FGD5: variants seen among roughly 807,000 people sequenced by gnomAD.
The protein encoded by FGD5 is FYVE, RhoGEF and PH domain containing 5.
In FGD5, 28 loss-of-function variants were observed where a neutral mutation model predicts 133.4. The observed-to-expected ratio is 0.21, with a 90% CI of 0.16 to 0.29. The LOEUF is 0.29. Among genes scored for constraint, FGD5 ranks in the 10% least tolerant of loss-of-function variants. The probability of loss-of-function intolerance (pLI) is 1.00; values close to 1 mark genes in which losing one functional copy is unlikely to be tolerated. For missense variants in FGD5, 1,858 were observed against 1,895.2 expected (o/e 0.98, Z 0.36); for synonymous variants, 810 against 776.5 (o/e 1.04, Z -0.72).
intron 2 of FGD5, among the ~76,000 whole-genome samples, chr3:14,866,400 T>C (rs1448694785): frequency 6.6e-6 from 1 of 152,060 alleles, no homozygotes; most frequent in Non-Finnish European, 1.5e-5. Context: ...GAATGTGCAA[T>C]TCTGGGGCCC....
intron 10 of FGD5, 102 bp from the exon 11 acceptor site, chr3:14,910,759 C>T: frequency 9.8e-7 from 1 of 1,022,124 alleles, no homozygotes; most frequent in South Asian, 1.4e-5. Context: ...GCACCCTTGT[C>T]TGGGATTGAT....
rs2038939094 is a variant in FGD5 at position 14,933,857 on chromosome 3, T to A, written c.*690T>A. On this transcript the variant is annotated 3_prime_UTR_variant, in exon 20 of 20. Coordinates refer to ENST00000285046, the MANE Select transcript of FGD5 (RefSeq NM_152536.4). ...GGAAGGGGAGGATTTTCTCCTCCAG[T>A]CGACCTTGTGACCTGTATACTAACA... The A allele has an allele frequency of 6.5e-6, 1 of 152,954 alleles. No homozygotes were observed. The highest frequency in any genetic ancestry group is 1.5e-5 in the Non-Finnish European group (1 of 68,536). The allele number at this position is 152,954 out of a possible 1,614,324, so 9.5% of individuals were successfully genotyped here. A position where few individuals can be genotyped will look rare whatever the true frequency, so the allele number is the denominator to read the frequency against.
intron 1 of FGD5, among the ~76,000 whole-genome samples, chr3:14,853,791 A>G (rs908149804): frequency 1.4e-5 from 2 of 146,628 alleles, no homozygotes; most frequent in Non-Finnish European, 3.0e-5. Context: ...TCATCTCCCC[A>G]CGTGGAGGCA....
intron 9 of FGD5, among the ~76,000 whole-genome samples, chr3:14,904,040 C>T (rs377214130): frequency 1.7e-4 from 26 of 152,312 alleles, no homozygotes; most frequent in African/African-American, 4.6e-4. Context: ...AAGAGGCTCA[C>T]AGAGCAAGGT....
chr3:14,851,724 C>T (rs1360407712), intron 1 of FGD5, among the ~76,000 whole-genome samples: 1 of 151,968 alleles, frequency 6.6e-6, no homozygotes, highest in African/African-American at 2.4e-5. Flanking sequence ...AATTCCCCCC[C>T]ACCCCCACTA....
Position 14,922,618 on chromosome 3 carries a change from C to T in FGD5, c.3807+70C>T. ...GGGGGAAGGGCATGTCCCTGCCCAGCCGGGGGCTCAGGGATGTCCAGCAGC... is the reference window on the plus strand; with the variant it reads ...GGGGGAAGGGCATGTCCCTGCCCAGTCGGGGGCTCAGGGATGTCCAGCAGC... On this transcript the variant is annotated intron_variant, in intron 15 of 19. Transcript: ENST00000285046. The surrounding 1 kb of genome is among the most constrained non-coding windows in gnomAD (Gnocchi z 4.1). The T allele has an allele frequency of 2.0e-6, 3 of 1,516,510 alleles. No individual in the cohort carries two copies. Among genetic ancestry groups the T allele is most frequent in the South Asian group, 1.2e-5 (1 of 80,956 alleles). The allele number at this position is 1,516,510 out of a possible 1,614,324, so 93.9% of individuals were successfully genotyped here.
At position 14,821,190 on chromosome 3, in the gene FGD5, A is replaced by G. The variant is rs980562122; in HGVS notation, c.2119A>G (p.Lys707Glu). 1.2e-6 allele frequency: 2 copies of G among 1,613,736 alleles called. No individual in the cohort carries two copies. Among genetic ancestry groups the G allele is most frequent in the African/African-American group, 2.7e-5 (2 of 74,868 alleles). ...AAGCCTCAGCAACTCCCCTCAGCTT[A>G]AGTCTCGGACTGGGAAGCTCCGGGC... ...RRSLSNSPQL[K>E]SRTGKLRASE... The change falls in exon 1 of 20, where the codon AAG becomes GAG. Residue 707 changes from lysine (K) to glutamate (E), a missense_variant. This residue lies in a region of FGD5 where 1,824 missense variants were observed against 1,848.9 expected (regional missense o/e 0.99). Transcript: ENST00000285046.
intron 19 of FGD5, 101 bp from the exon 20 acceptor site, chr3:14,933,030 C>T: frequency 7.3e-7 from 1 of 1,373,892 alleles, no homozygotes; most frequent in Non-Finnish European, 1.0e-6. Context: ...TCCTTGACTT[C>T]AAACTAAGAG....
intron 7 of FGD5, among the ~76,000 whole-genome samples, chr3:14,899,127 A>G (rs2038191368): frequency 6.6e-6 from 1 of 152,110 alleles, no homozygotes; most frequent in Non-Finnish European, 1.5e-5. Flanking sequence ...ATTTCACTGA[A>G]GCCACGCCTG....
chr3:14,904,822 A>G lies in FGD5; in HGVS notation c.3265-2818A>G, dbSNP rs578149815. Among the ~76,000 whole-genome samples, 4 of 152,302 alleles carry G rather than the reference A, an allele frequency of 2.6e-5. No homozygotes were observed. The South Asian group carries it at 8.3e-4, about 32-fold the overall frequency. ...ACCATCTGTATCTGAATATTAAACT[A>G]ACCATGAGTTTTATTTTATTTTTTT... On this transcript the variant is annotated intron_variant, in intron 9 of 19. Coordinates refer to ENST00000285046, the MANE Select transcript of FGD5 (RefSeq NM_152536.4).
At chr3:14,852,681 A>G (rs4685219) in intron 1 of FGD5, among the ~76,000 whole-genome samples, 92,842 of 152,110 alleles carry the variant, frequency 0.61, 28,807 homozygotes, top group African/African-American at 0.68. Flanking sequence ...CTCTGGTCAG[A>G]AAACAAGGAT....
rs1374628185 is a variant in FGD5, at chr3:14,836,446, T to A, written c.2525+14850T>A. 3.9e-5 allele frequency among the ~76,000 whole-genome samples: 6 copies of A among 152,350 alleles called. No homozygotes were observed. The East Asian group carries it at 1.2e-3, about 29-fold the overall frequency. ...AGCCTCTGGGGTGAGGAGACCTGCCTGGTCCCCAAACGCAAATGGTCTCCA... is the reference window on the plus strand; with the variant it reads ...AGCCTCTGGGGTGAGGAGACCTGCCAGGTCCCCAAACGCAAATGGTCTCCA... On this transcript the variant is annotated intron_variant, in intron 1 of 19. Transcript: ENST00000285046.
At chr3:14,848,544 A>G (rs2037099219) in intron 1 of FGD5, among the ~76,000 whole-genome samples, 1 of 152,214 alleles carries the variant, frequency 6.6e-6, no homozygotes, top group African/African-American at 2.4e-5. Context: ...CATGGGGTAC[A>G]GGTTAGGCAC....
chr3:14,862,314 A>C (rs2037415031), intron 1 of FGD5, among the ~76,000 whole-genome samples: 1 of 152,176 alleles, frequency 6.6e-6, no homozygotes, highest in South Asian at 2.1e-4. Flanking sequence ...TGCTGGAAAA[A>C]GGGTTGCAAA....
At chr3:14,909,872 T>G (rs936679975) in intron 10 of FGD5, among the ~76,000 whole-genome samples, 6 of 151,764 alleles carry the variant, frequency 4.0e-5, no homozygotes, top group African/African-American at 1.5e-4. Context: ...TTCAAATGAT[T>G]CTTCTGCCTC....
intron 1 of FGD5, among the ~76,000 whole-genome samples, chr3:14,824,617 A>G (rs116063058): frequency 0.011 from 1,628 of 152,276 alleles, 33 homozygotes; most frequent in African/African-American, 0.037. Context: ...CTCATCTGTA[A>G]AATGGTAAGG....
At position 14,897,641 on chromosome 3, in the gene FGD5, G is replaced by C; in HGVS notation, c.2881G>C (p.Glu961Gln). ...CCACGACCTTCATCAAGGCATCCTG[G>C]AGGAGCTGGAGGAAAGGCTGTCAAA... The part of the protein sequence containing the change: ...AIHDLHQGIL[E>Q]ELEERLSNWE... The change falls in exon 5 of 20, where the codon GAG becomes CAG. Residue 961 changes from glutamate to glutamine, a missense_variant. Coordinates refer to ENST00000285046, the MANE Select transcript of FGD5 (RefSeq NM_152536.4). 3.7e-6 allele frequency: 6 copies of C among 1,605,256 alleles called. No homozygotes were observed. The highest frequency in any genetic ancestry group is 5.1e-6 in the Non-Finnish European group (6 of 1,175,966).
At chr3:14,885,509 T>A (rs1228267644) in intron 4 of FGD5, among the ~76,000 whole-genome samples, 1 of 152,160 alleles carries the variant, frequency 6.6e-6, no homozygotes, top group Non-Finnish European at 1.5e-5. Context: ...GAATGCTGAG[T>A]TGGTCACGTC....
At chr3:14,817,792 C>T (rs995381743), upstream of FGD5, among the ~76,000 whole-genome samples, 4 of 152,124 alleles carry the variant, frequency 2.6e-5, no homozygotes, top group African/African-American at 7.2e-5. Context: ...GAAGGAGAAA[C>T]GTGGGAGTCC....
Sources: allele counts gnomAD v4.1 joint callset (sites outside exome capture counted in the v4.1 genomes callset), GRCh38; gene constraint gnomAD v4.1.1; regional missense constraint gnomAD v4.1.1; non-coding constraint Gnocchi (gnomAD v3.1); transcripts MANE v1.5; gene names NCBI Gene and HGNC (gene_info 2026-07-23, HGNC 2026-07-21).